LZTFL1: variants seen among roughly 807,000 people sequenced by gnomAD.
LZTFL1 encodes leucine zipper transcription factor like 1.
Under a neutral mutation model 45.9 loss-of-function variants are expected in LZTFL1, and 25 were observed. The observed-to-expected ratio is 0.54, with a 90% confidence interval of 0.40 to 0.76. The LOEUF is 0.76. Ranked by LOEUF, LZTFL1 falls within the 30% of genes least tolerant of loss-of-function variation. The probability of loss-of-function intolerance (pLI) is 0.00; values close to 1 mark genes in which losing one functional copy is unlikely to be tolerated. For synonymous variants in LZTFL1, 93 were observed against 117.4 expected (o/e 0.79, Z 1.35); for missense variants, 277 against 331.1 (o/e 0.84, Z 1.27).
chr3:45,891,706 C>T (rs1702186155), intron 2 of LZTFL1, among the ~76,000 whole-genome samples: 2 of 152,056 alleles, frequency 1.3e-5, no homozygotes, highest in Non-Finnish European at 2.9e-5. Context: ...TTTTTCCCCA[C>T]TCCAGGACCA....
At chr3:45,862,974 T>C (rs752303210) in intron 2 of LZTFL1, among the ~76,000 whole-genome samples, 1 of 152,258 alleles carries the variant, frequency 6.6e-6, no homozygotes, top group Non-Finnish European at 1.5e-5. Flanking sequence ...TTTGAAACTT[T>C]GTTTTAAATC....
At chr3:45,898,905 C>T (rs1046539541) in intron 2 of LZTFL1, among the ~76,000 whole-genome samples, 4 of 152,244 alleles carry the variant, frequency 2.6e-5, no homozygotes, top group East Asian at 1.9e-4. Context: ...TGGTGGCTCA[C>T]GCCTGTAATG....
Position 45,890,461 on chromosome 3 carries a change from A to G in LZTFL1, c.-215+22659T>C, listed in dbSNP as rs1001288822. 4.7e-5 allele frequency among the ~76,000 whole-genome samples: 7 copies of G among 148,008 alleles called. No homozygotes were observed. The Admixed American group carries it at 4.9e-4, about 10-fold the overall frequency. ...AAAATTTGCTGAGTTGAGGTCTTCCAAACTCAACTGGGCATTTTTCATCTG... is the reference window on the plus strand; with the variant it reads ...AAAATTTGCTGAGTTGAGGTCTTCCGAACTCAACTGGGCATTTTTCATCTG... On this transcript the variant is annotated intron_variant, in intron 2 of 4. Transcript: ENST00000472635.
At chr3:45,895,216 C>A in intron 2 of LZTFL1, 1 of 532,100 alleles carries the variant, frequency 1.9e-6, no homozygotes, top group Non-Finnish European at 3.3e-6. Context: ...GATTTTTAAC[C>A]ATCTTTAACT....
At chr3:45,909,507 C>T (rs911065642) in intron 2 of LZTFL1, among the ~76,000 whole-genome samples, 1 of 152,078 alleles carries the variant, frequency 6.6e-6, no homozygotes, top group Non-Finnish European at 1.5e-5. Flanking sequence ...TACCTTCTTC[C>T]TTTTAAAAAC....
At chr3:45,894,049 G>A (rs1468213882) in intron 2 of LZTFL1, among the ~76,000 whole-genome samples, 2 of 152,152 alleles carry the variant, frequency 1.3e-5, no homozygotes, top group African/African-American at 2.4e-5. Flanking sequence ...TCCTTGAAAT[G>A]TACTCGCTAA....
chr3:45,884,187 G>C (rs1171546708), intron 2 of LZTFL1: 1 of 152,502 alleles, frequency 6.6e-6, no homozygotes, highest in Non-Finnish European at 1.5e-5. Context: ...ATGCAAGAGA[G>C]AAATAGCCCT....
At chr3:45,869,089 T>A (rs1701627635) in intron 2 of LZTFL1, among the ~76,000 whole-genome samples, 1 of 152,074 alleles carries the variant, frequency 6.6e-6, no homozygotes, top group South Asian at 2.1e-4. Context: ...GGCTAGCAGG[T>A]CTTGTGTGAC....
chr3:45,879,750 C>T (rs902453300), intron 2 of LZTFL1, among the ~76,000 whole-genome samples: 8 of 152,098 alleles, frequency 5.3e-5, no homozygotes, highest in Non-Finnish European at 1.2e-4. Context: ...ACATGTGCTG[C>T]GGGAGCGGGT....
intron 1 of LZTFL1, among the ~76,000 whole-genome samples, chr3:45,914,414 C>T (rs1702858012): frequency 6.6e-6 from 1 of 151,966 alleles, no homozygotes; most frequent in Non-Finnish European, 1.5e-5. Context: ...TCCCCAGTGG[C>T]TGGGACTAGA....
At chr3:45,870,178 C>T (rs771575741) in intron 2 of LZTFL1, among the ~76,000 whole-genome samples, 2 of 152,200 alleles carry the variant, frequency 1.3e-5, no homozygotes, top group African/African-American at 4.8e-5. Context: ...TACAAGGGTG[C>T]TCACGAGGGC....
intron 2 of LZTFL1, among the ~76,000 whole-genome samples, chr3:45,882,088 T>C (rs1701871014): frequency 6.6e-6 from 1 of 152,244 alleles, no homozygotes; most frequent in South Asian, 2.1e-4. Flanking sequence ...GAAAGTGCTA[T>C]TAGATGGCTC....
At chr3:45,866,413 C>G (rs186534457) in intron 2 of LZTFL1, among the ~76,000 whole-genome samples, 1 of 152,046 alleles carries the variant, frequency 6.6e-6, no homozygotes, top group South Asian at 2.1e-4. Context: ...AAACCGTTAA[C>G]ATTTTGGGGC....
chr3:45,877,054 A>G (rs1415710073), intron 2 of LZTFL1, among the ~76,000 whole-genome samples: 1 of 152,130 alleles, frequency 6.6e-6, no homozygotes, highest in African/African-American at 2.4e-5. Flanking sequence ...TCCTCAATGC[A>G]TATCAGAGGA....
chr3:45,865,138 C>T (rs1701556877), intron 2 of LZTFL1, among the ~76,000 whole-genome samples: 7 of 152,230 alleles, frequency 4.6e-5, no homozygotes, highest in Admixed American at 4.6e-4. Flanking sequence ...AGACCCAGAT[C>T]CACCGAAAGA....
At chr3:45,862,875 A>G (rs1299689155) in intron 2 of LZTFL1, among the ~76,000 whole-genome samples, 3 of 152,238 alleles carry the variant, frequency 2.0e-5, no homozygotes, top group African/African-American at 7.2e-5. Context: ...AGATATAAGT[A>G]ATAATGACAG....
chr3:45,894,256 C>T (rs1022076174), intron 2 of LZTFL1, among the ~76,000 whole-genome samples: 1 of 152,220 alleles, frequency 6.6e-6, no homozygotes, highest in Non-Finnish European at 1.5e-5. Context: ...AGTACACAAA[C>T]CTAGGACTTC....
At chr3:45,867,147 CAAA>C (rs58937842) in intron 2 of LZTFL1, among the ~76,000 whole-genome samples, 492 of 63,234 alleles carry the variant, frequency 7.8e-3, no homozygotes, top group African/African-American at 0.028. Context: ...GACTCAATCT[CAAA>C]AAAAAAAAAA....
At position 45,824,304 on chromosome 3, in the gene LZTFL1, G is replaced by A. The variant is rs1700609813; in HGVS notation, c.*2010C>T. 1 of 151,856 alleles carries A rather than the reference G, an allele frequency of 6.6e-6. No individual in the cohort carries two copies. Among genetic ancestry groups the A allele is most frequent in the African/African-American group, 2.4e-5 (1 of 41,316 alleles). The allele number at this position is 151,856 out of a possible 1,614,324, so 9.4% of individuals were successfully genotyped here. On this transcript the variant is annotated 3_prime_UTR_variant, in exon 10 of 10. Transcript: ENST00000296135. The stretch of plus-strand genomic sequence containing the variant: ...GTTAAATTAGATAAGTCTTAAAGTT[G>A]GGAAACTACTAAAAACAATAAAAAT...
Sources: allele counts gnomAD v4.1 joint callset (sites outside exome capture counted in the v4.1 genomes callset), GRCh38; gene constraint gnomAD v4.1.1; transcripts MANE v1.5; gene names NCBI Gene and HGNC (gene_info 2026-07-23, HGNC 2026-07-21).